SLC4A4: variants seen among roughly 807,000 people sequenced by gnomAD.
SLC4A4 encodes the protein electrogenic sodium bicarbonate cotransporter 1.
A neutral mutation model predicts 111.5 loss-of-function variants in SLC4A4; 27 were observed. The ratio of observed to expected loss-of-function variants is 0.24; its 90% CI spans 0.18 to 0.33. The LOEUF (loss-of-function observed/expected upper bound fraction) is 0.33. SLC4A4 is among the 10% of genes least tolerant of loss of function. SLC4A4 has a pLI of 1.00. For missense variants in SLC4A4, 909 were observed against 1,315.5 expected, an observed-to-expected ratio of 0.69 and a Z score of 4.78; for synonymous variants, 443 against 463.4, an observed-to-expected ratio of 0.96 and a Z score of 0.57.
intron 3 of SLC4A4, among the ~76,000 whole-genome samples, chr4:71,335,009 C>G (rs1346660537): frequency 6.6e-6 from 1 of 152,020 alleles, no homozygotes; most frequent in Non-Finnish European, 1.5e-5. Context: ...CTTCTAGAAG[C>G]TAATTCTATG....
chr4:71,422,876 A>G (rs1335219620), intron 7 of SLC4A4, among the ~76,000 whole-genome samples: 2 of 152,226 alleles, frequency 1.3e-5, no homozygotes, highest in Non-Finnish European at 2.9e-5. Flanking sequence ...CCCACAGCCA[A>G]TATCATACTG....
At chr4:71,134,083 A>G (rs553538966) in intron 2 of SLC4A4, among the ~76,000 whole-genome samples, 10 of 152,342 alleles carry the variant, frequency 6.6e-5, no homozygotes, top group Middle Eastern at 3.4e-3. Flanking sequence ...ATCTTACCCC[A>G]AAGTTGATTT....
chr4:71,468,591 C>T (rs894818261), intron 13 of SLC4A4, among the ~76,000 whole-genome samples: 10 of 151,876 alleles, frequency 6.6e-5, no homozygotes, highest in African/African-American at 1.9e-4. Context: ...ATGTGGCAAG[C>T]GTTATTTTAA....
chr4:71,281,139 C>T (rs1440321706), intron 3 of SLC4A4, among the ~76,000 whole-genome samples: 2 of 152,150 alleles, frequency 1.3e-5, no homozygotes, highest in Non-Finnish European at 1.5e-5. Context: ...TCCTGACTTG[C>T]GTTTGCATGC....
intron 2 of SLC4A4, among the ~76,000 whole-genome samples, chr4:71,128,853 C>T (rs540898979): frequency 6.6e-6 from 1 of 152,270 alleles, no homozygotes; most frequent in South Asian, 2.1e-4. Context: ...CTCTCAATCC[C>T]TAAAACAAGT....
intron 2 of SLC4A4, among the ~76,000 whole-genome samples, chr4:71,156,361 T>C (rs937916965): frequency 6.6e-6 from 1 of 152,312 alleles, no homozygotes; most frequent in African/African-American, 2.4e-5. Flanking sequence ...TGCTTCACTC[T>C]GTGCACAGTT....
intron 3 of SLC4A4, among the ~76,000 whole-genome samples, chr4:71,317,749 C>T (rs756420496): frequency 1.3e-5 from 2 of 151,900 alleles, no homozygotes; most frequent in Non-Finnish European, 2.9e-5. Flanking sequence ...AGGAAGAGTA[C>T]GGACTTTATG....
chr4:71,426,188 T>G (rs1165518369), intron 7 of SLC4A4, among the ~76,000 whole-genome samples: 2 of 152,020 alleles, frequency 1.3e-5, no homozygotes, highest in Non-Finnish European at 2.9e-5. Flanking sequence ...TTAATGCTGG[T>G]CACTTGTGTA....
chr4:71,419,088 G>A (rs1011702522), intron 7 of SLC4A4, among the ~76,000 whole-genome samples: 1 of 152,196 alleles, frequency 6.6e-6, no homozygotes, highest in Non-Finnish European at 1.5e-5. Flanking sequence ...CGTGTGAAGT[G>A]TCAGTCTGCC....
intron 7 of SLC4A4, among the ~76,000 whole-genome samples, chr4:71,412,719 A>G (rs1721469226): frequency 6.6e-6 from 1 of 152,166 alleles, no homozygotes. Context: ...GAAATGGAGT[A>G]TGAATTTTGT....
At chr4:71,184,736 A>T (rs938752823), upstream of SLC4A4, among the ~76,000 whole-genome samples, 1 of 152,220 alleles carries the variant, frequency 6.6e-6, no homozygotes, top group African/African-American at 2.4e-5. Context: ...AAATCTCAGG[A>T]TTCATTGTTA....
chr4:71,140,016 G>T lies in SLC4A4; in HGVS notation c.-2+47224G>T, dbSNP rs182179382. On this transcript the variant is annotated intron_variant, in intron 2 of 26. Coordinates refer to the SLC4A4 transcript ENST00000649996. ...AATCCTCTCTGCTTCTGTTTGGGAT[G>T]GTCAAGGTGCTTAATTTTCTCTTTC... Among the ~76,000 whole-genome samples the T allele has an allele frequency of 2.6e-5, 4 of 152,240 alleles. No homozygotes were observed. In the East Asian group the frequency reaches 5.8e-4, roughly 22 times the overall value.
intron 2 of SLC4A4, among the ~76,000 whole-genome samples, chr4:71,171,803 CT>C (rs1203236744): frequency 6.6e-6 from 1 of 152,128 alleles, no homozygotes; most frequent in African/African-American, 2.4e-5. Context: ...TCAGCAGAAG[CT>C]TTTGAATAGT....
At chr4:71,490,214 T>C (rs976790890) in intron 15 of SLC4A4, among the ~76,000 whole-genome samples, 1 of 151,842 alleles carries the variant, frequency 6.6e-6, no homozygotes, top group African/African-American at 2.4e-5. Flanking sequence ...TTAATACCTG[T>C]TGGCTTGCAG....
chr4:71,079,721 A>G (rs114298598), intron 1 of SLC4A4, among the ~76,000 whole-genome samples: 3,243 of 151,588 alleles, frequency 0.021, 66 homozygotes, highest in African/African-American at 0.05. Context: ...GGCTGCAGTG[A>G]GCAGTGGCTG....
chr4:71,537,527 C>A (rs1734663098), intron 18 of SLC4A4, among the ~76,000 whole-genome samples: 1 of 151,696 alleles, frequency 6.6e-6, no homozygotes, highest in Non-Finnish European at 1.5e-5. Flanking sequence ...ACAAGTTTGC[C>A]TTAGGAATTT....
chr4:71,559,299 G>A (rs992053725), intron 22 of SLC4A4, among the ~76,000 whole-genome samples: 5 of 151,748 alleles, frequency 3.3e-5, no homozygotes, highest in Non-Finnish European at 5.9e-5. Flanking sequence ...TATTCTTCAA[G>A]AGCAATTCAT....
At chr4:71,138,362 A>G (rs912177812) in intron 2 of SLC4A4, among the ~76,000 whole-genome samples, 2 of 152,152 alleles carry the variant, frequency 1.3e-5, no homozygotes, top group African/African-American at 4.8e-5. Context: ...ACAGGTTCCA[A>G]TCAAATGACG....
intron 11 of SLC4A4, among the ~76,000 whole-genome samples, chr4:71,452,988 G>T (rs904936998): frequency 1.3e-5 from 2 of 152,116 alleles, no homozygotes; most frequent in African/African-American, 4.8e-5. Context: ...GAAAGCAGAG[G>T]TTTTTTGATG....
Sources: allele counts gnomAD v4.1 joint callset (sites outside exome capture counted in the v4.1 genomes callset), GRCh38; gene constraint gnomAD v4.1.1; transcripts MANE v1.5; gene names NCBI Gene and HGNC (gene_info 2026-07-23, HGNC 2026-07-21).